DDC: variants seen among roughly 807,000 people sequenced by gnomAD.
DDC encodes dopa decarboxylase.
In DDC, 43 loss-of-function variants were observed where a neutral mutation model predicts 60.0. That is an observed-to-expected ratio of 0.72 (90% CI 0.56 to 0.92). The LOEUF (loss-of-function observed/expected upper bound fraction) is 0.92. Ranked by LOEUF, DDC falls within the 40% of genes least tolerant of loss-of-function variation. The pLI is 0.00. For missense variants in DDC, 573 were observed against 620.2 expected, an observed-to-expected ratio of 0.92 and a Z score of 0.81; for synonymous variants, 232 against 234.6, an observed-to-expected ratio of 0.99 and a Z score of 0.10.
chr7:50,528,319 G>A, intron 5 of DDC, 39 bp from the exon 6 acceptor site: 1 of 1,613,288 alleles, frequency 6.2e-7, no homozygotes, highest in Non-Finnish European at 8.5e-7. Context: ...GTACAGGTGT[G>A]TGCATGCAGT....
At position 50,459,418 on chromosome 7, in the gene DDC, A is replaced by G. The variant is rs534267322; in HGVS notation, c.*19-575T>C. 6.4e-3 allele frequency among the ~76,000 whole-genome samples: 930 copies of G among 146,220 alleles called. 3 individuals are homozygous for G. Among genetic ancestry groups the G allele is most frequent in the Non-Finnish European group, 0.011 (715 of 66,586 alleles). ...GCGGAGCGTCTCTGCCTGGCCGCCC[A>G]TCGTCTGGGACGTGAGGAGCCCCTC... On this transcript the variant is annotated intron_variant, in intron 14 of 14. Coordinates refer to ENST00000444124, the MANE Select transcript of DDC (RefSeq NM_001082971.2).
intron 1 of DDC, among the ~76,000 whole-genome samples, chr7:50,546,735 A>G (rs2044819253): frequency 6.6e-6 from 1 of 152,224 alleles, no homozygotes; most frequent in Admixed American, 6.5e-5. Context: ...TCCAGCCCCC[A>G]TGTTAAAGCT....
intron 6 of DDC, among the ~76,000 whole-genome samples, chr7:50,515,035 C>T (rs898628436): frequency 3.3e-5 from 5 of 152,094 alleles, no homozygotes; most frequent in African/African-American, 1.2e-4. Flanking sequence ...GCTAGAGACC[C>T]AGCCATCCAA....
intron 11 of DDC, among the ~76,000 whole-genome samples, chr7:50,472,175 A>G (rs1176636859): frequency 1.3e-5 from 2 of 152,186 alleles, no homozygotes; most frequent in East Asian, 3.9e-4. Flanking sequence ...ACCTCCTGCC[A>G]GACTAAGTTC....
intron 14 of DDC, among the ~76,000 whole-genome samples, chr7:50,459,849 G>C (rs1264272741): frequency 8.9e-5 from 13 of 145,630 alleles, no homozygotes; most frequent in Non-Finnish European, 1.8e-4. Context: ...TCAGCCCCCG[G>C]CCCGGCCAGC....
chr7:50,504,206 A>G (rs1282417985), intron 6 of DDC, 147 bp from the exon 7 acceptor site: 5 of 697,376 alleles, frequency 7.2e-6, no homozygotes, highest in Non-Finnish European at 1.3e-5. Context: ...ACGTAAGCCC[A>G]TGGATGCACA....
intron 6 of DDC, among the ~76,000 whole-genome samples, chr7:50,509,370 G>A (rs1056344804): frequency 6.6e-6 from 1 of 152,142 alleles, no homozygotes; most frequent in African/African-American, 2.4e-5. Flanking sequence ...ATTTGATTTT[G>A]TTTCTCTTAA....
rs150901258 is a variant in DDC at position 50,505,990 on chromosome 7, G to C, written c.715-1931C>G. The stretch of plus-strand genomic sequence containing the variant: ...AGGGGAGGGGGACATGGGGAAGCAC[G>C]AGGATCAGTTGGGCAGCAGAGGGGT... On this transcript the variant is annotated intron_variant, in intron 6 of 14. Transcript: ENST00000444124. Among the ~76,000 whole-genome samples the C allele has an allele frequency of 4.9e-4, 75 of 152,370 alleles. 4 individuals carry two copies. The East Asian group carries it at 0.014, about 29-fold the overall frequency.
chr7:50,491,140 A>G (rs971621452), intron 9 of DDC, among the ~76,000 whole-genome samples: 1 of 152,134 alleles, frequency 6.6e-6, no homozygotes, highest in Non-Finnish European at 1.5e-5. Flanking sequence ...ATATTAAGCT[A>G]TGCTTTTCTT....
rs11575292 is a variant in DDC, at chr7:50,543,903, C to T, written c.183G>A (p.Glu61=). The change falls in exon 2 of 15, where the codon GAG becomes GAA. Residue 61 remains glutamate (E), a synonymous_variant. Transcript: ENST00000444124. ...CACTTACCCCAGGCATGATTATCTT[C>T]TCAACGTCGTTGATGATGTCCTCAA... ...DTFEDIINDV[E]KIIMPGVTHW... The T allele has an allele frequency of 6.2e-7, 1 of 1,614,058 alleles. No individual in the cohort carries two copies.
At chr7:50,554,786 T>TGAA (rs1460410555) in intron 1 of DDC, among the ~76,000 whole-genome samples, 1 of 152,214 alleles carries the variant, frequency 6.6e-6, no homozygotes, top group African/African-American at 2.4e-5. Context: ...CAGAAAGTCA[T>TGAA]GAAGATTCTG....
At chr7:50,553,536 G>A (rs1476242289) in intron 1 of DDC, among the ~76,000 whole-genome samples, 1 of 134,886 alleles carries the variant, frequency 7.4e-6, no homozygotes, top group Non-Finnish European at 1.5e-5. Flanking sequence ...GCCCAGGCTG[G>A]AATGCAGTGG....
In DDC at chr7:50,501,189, C is replaced by T. The variant is rs555607704; in HGVS notation, c.782-1947G>A. Among the ~76,000 whole-genome samples the T allele has an allele frequency of 2.6e-5, 4 of 152,340 alleles. No homozygotes were observed. In the East Asian group the frequency reaches 7.7e-4, roughly 29 times the overall value. On this transcript the variant is annotated intron_variant, in intron 7 of 14. Coordinates refer to ENST00000444124, the MANE Select transcript of DDC (RefSeq NM_001082971.2). ...GTGACTCTTTCCTTCTGAGACTTCC[C>T]AGGAACTTGCGGCAGGCCTGGCTGC...
intron 1 of DDC, among the ~76,000 whole-genome samples, chr7:50,548,380 A>C (rs2044874856): frequency 6.6e-6 from 1 of 152,228 alleles, no homozygotes; most frequent in Admixed American, 6.5e-5. Flanking sequence ...CAGGCTATGA[A>C]AGCAATGGAA....
chr7:50,500,262 C>G (rs2043220305), intron 7 of DDC, among the ~76,000 whole-genome samples: 1 of 152,086 alleles, frequency 6.6e-6, no homozygotes, highest in Admixed American at 6.5e-5. Flanking sequence ...GCTCATTGTG[C>G]AATGAGGCGT....
intron 1 of DDC, among the ~76,000 whole-genome samples, chr7:50,563,184 A>G (rs2045377092): frequency 1.4e-5 from 2 of 141,354 alleles, no homozygotes; most frequent in Non-Finnish European, 3.1e-5. Flanking sequence ...AAAAAAAAAA[A>G]GTCCAGACAT....
intron 12 of DDC, 113 bp downstream of exon 12, chr7:50,469,960 C>G: frequency 1.4e-6 from 1 of 707,604 alleles, no homozygotes; most frequent in Admixed American, 2.4e-5. Flanking sequence ...GCCTGGGGGA[C>G]AAGAGTGAAA....
intron 8 of DDC, among the ~76,000 whole-genome samples, chr7:50,496,095 C>CTTT (rs112532220): frequency 2.0e-5 from 3 of 146,818 alleles, no homozygotes; most frequent in Admixed American, 1.4e-4. Context: ...GCTTCTCTCT[C>CTTT]TTTTTTTTTT....
At chr7:50,554,466 G>C (rs1316568541) in intron 1 of DDC, among the ~76,000 whole-genome samples, 1 of 152,066 alleles carries the variant, frequency 6.6e-6, no homozygotes, top group Non-Finnish European at 1.5e-5. Flanking sequence ...TTTTGAGGCC[G>C]GCTTCCTCAG....
Sources: allele counts gnomAD v4.1 joint callset (sites outside exome capture counted in the v4.1 genomes callset), GRCh38; gene constraint gnomAD v4.1.1; transcripts MANE v1.5; gene names NCBI Gene and HGNC (gene_info 2026-07-23, HGNC 2026-07-21).